CD200R1: variants seen among roughly 807,000 people sequenced by gnomAD.
The protein encoded by CD200R1 is cell surface glycoprotein CD200 receptor 1.
CD200R1 carries 30 observed loss-of-function variants against 38.1 expected under a neutral mutation model. That is an observed-to-expected ratio of 0.79 (90% CI 0.59 to 1.07). The LOEUF (loss-of-function observed/expected upper bound fraction) is 1.07, where lower values mean the gene tolerates loss of function less well. CD200R1 is among the 50% of genes least tolerant of loss of function. The pLI is 0.00. For missense variants in CD200R1, 372 were observed against 415.4 expected (o/e 0.90, Z 0.91); for synonymous variants, 128 against 152.1 (o/e 0.84, Z 1.16).
At chr3:112,931,759 A>C (rs543306719) in intron 2 of CD200R1, among the ~76,000 whole-genome samples, 54 of 151,988 alleles carry the variant, frequency 3.6e-4, no homozygotes, top group Non-Finnish European at 7.1e-4. Context: ...TCTCCTCCAA[A>C]AGAAAGGACC....
intron 2 of CD200R1, among the ~76,000 whole-genome samples, chr3:112,941,636 A>T (rs551353650): frequency 1.3e-5 from 2 of 151,570 alleles, no homozygotes; most frequent in South Asian, 4.1e-4. Flanking sequence ...TATTGTAGTT[A>T]AAAAAATGAA....
At chr3:112,955,419 T>C (rs79011041) in intron 1 of CD200R1, among the ~76,000 whole-genome samples, 4,312 of 152,260 alleles carry the variant, frequency 0.028, 192 homozygotes, top group East Asian at 0.21. Context: ...TGCTTCAATG[T>C]TGGGTACATA....
At chr3:112,970,173 C>A (rs1022100153) in intron 1 of CD200R1, among the ~76,000 whole-genome samples, 5 of 151,982 alleles carry the variant, frequency 3.3e-5, no homozygotes, top group African/African-American at 1.2e-4. Flanking sequence ...TAGAGTAAGA[C>A]CCTGTCTCAA....
rs2107337582 is a variant in CD200R1 at position 112,959,374 on chromosome 3, CTAACGAAT to C, written c.68-11458_68-11451del. Among the ~76,000 whole-genome samples the C allele has an allele frequency of 2.0e-5, 3 of 152,208 alleles. No homozygotes were observed. The South Asian group carries it at 6.2e-4, about 32-fold the overall frequency. The stretch of plus-strand genomic sequence containing the variant: ...ACTCAACTTGGGGCAAAACTGTGGA[CTAACGAAT>C]GTGGCTATGACTTTATCAGATAACC... On this transcript the variant is annotated intron_variant, in intron 1 of 7. Coordinates refer to ENST00000308611, the MANE Select transcript of CD200R1 (RefSeq NM_138806.4).
chr3:112,959,493 C>T (rs1307183348), intron 1 of CD200R1, among the ~76,000 whole-genome samples: 2 of 152,054 alleles, frequency 1.3e-5, no homozygotes, highest in African/African-American at 4.8e-5. Flanking sequence ...GGCCTCTGTG[C>T]TGGTACTGAG....
At chr3:112,957,709 C>T (rs1326021590) in intron 1 of CD200R1, among the ~76,000 whole-genome samples, 1 of 151,968 alleles carries the variant, frequency 6.6e-6, no homozygotes, top group Non-Finnish European at 1.5e-5. Flanking sequence ...ACACACCATA[C>T]AGTAAAAGAA....
At chr3:112,951,891 G>C (rs1410959707) in intron 1 of CD200R1, among the ~76,000 whole-genome samples, 1 of 151,456 alleles carries the variant, frequency 6.6e-6, no homozygotes, top group African/African-American at 2.4e-5. Context: ...CTATATAATG[G>C]AAAGTCCCAA....
chr3:112,940,402 G>T (rs184098211), intron 2 of CD200R1, among the ~76,000 whole-genome samples: 67 of 151,932 alleles, frequency 4.4e-4, no homozygotes, highest in Non-Finnish European at 8.7e-4. Flanking sequence ...TAAAATATTT[G>T]TAAAATATTC....
chr3:112,974,337 TG>T (rs1933387353), intron 1 of CD200R1, among the ~76,000 whole-genome samples: 1 of 152,076 alleles, frequency 6.6e-6, no homozygotes, highest in African/African-American at 2.4e-5. Context: ...CTCAGGAGGC[TG>T]AGTGGGAGGA....
intron 2 of CD200R1, among the ~76,000 whole-genome samples, chr3:112,944,564 G>A (rs1168231357): frequency 6.6e-6 from 1 of 152,000 alleles, no homozygotes; most frequent in Non-Finnish European, 1.5e-5. Flanking sequence ...CAGGAGCAAA[G>A]CAAGATGACT....
chr3:112,951,133 AG>A (rs1194343570), intron 1 of CD200R1, among the ~76,000 whole-genome samples: 3 of 151,964 alleles, frequency 2.0e-5, no homozygotes. Flanking sequence ...TAGACTGATA[AG>A]GAAAAAAATA....
chr3:112,955,451 T>C (rs1219400156), intron 1 of CD200R1, among the ~76,000 whole-genome samples: 1 of 152,186 alleles, frequency 6.6e-6, no homozygotes, highest in Non-Finnish European at 1.5e-5. Flanking sequence ...AATTGTTATA[T>C]GCTCTTACTA....
intron 2 of CD200R1, among the ~76,000 whole-genome samples, chr3:112,937,202 C>A (rs763733981): frequency 2.6e-5 from 4 of 152,052 alleles, no homozygotes; most frequent in Non-Finnish European, 5.9e-5. Context: ...GGAGGAAAAG[C>A]CCCTTATAAA....
chr3:112,931,473 A>C (rs1940437268), intron 2 of CD200R1, among the ~76,000 whole-genome samples: 2 of 152,150 alleles, frequency 1.3e-5, no homozygotes, highest in South Asian at 2.1e-4. Flanking sequence ...TCAGCCAGGG[A>C]GATTGGTCTA....
intron 3 of CD200R1, among the ~76,000 whole-genome samples, chr3:112,930,185 G>T (rs528198717): frequency 7.3e-5 from 11 of 151,408 alleles, no homozygotes; most frequent in African/African-American, 2.2e-4. Flanking sequence ...AATGCCCTGT[G>T]ATAAGAGATG....
chr3:112,951,135 GA>G (rs200666920), intron 1 of CD200R1, among the ~76,000 whole-genome samples: 2,745 of 151,772 alleles, frequency 0.018, 38 homozygotes, highest in Non-Finnish European at 0.029. Flanking sequence ...GACTGATAAG[GA>G]AAAAAATAGA....
intron 2 of CD200R1, among the ~76,000 whole-genome samples, chr3:112,944,028 G>C (rs987550451): frequency 6.6e-6 from 1 of 151,830 alleles, no homozygotes; most frequent in African/African-American, 2.4e-5. Context: ...ACAGTACGAG[G>C]CCTAGATGGG....
At chr3:112,964,621 A>G (rs1933110766) in intron 1 of CD200R1, among the ~76,000 whole-genome samples, 1 of 152,206 alleles carries the variant, frequency 6.6e-6, no homozygotes, top group Non-Finnish European at 1.5e-5. Context: ...CTAGGAAGTA[A>G]CTAACTTGCT....
intron 1 of CD200R1, among the ~76,000 whole-genome samples, chr3:112,960,086 A>C (rs576415854): frequency 6.6e-6 from 1 of 152,198 alleles, no homozygotes; most frequent in South Asian, 2.1e-4. Context: ...TTTTAAATGA[A>C]TGCAACTTTG....
Sources: allele counts gnomAD v4.1 joint callset (sites outside exome capture counted in the v4.1 genomes callset), GRCh38; gene constraint gnomAD v4.1.1; transcripts MANE v1.5; gene names NCBI Gene and HGNC (gene_info 2026-07-23, HGNC 2026-07-21).